Variants in GNG7 observed in about 807,000 individuals in gnomAD.
GNG7 encodes the protein G protein subunit gamma 7, also known as guanine nucleotide-binding protein G(I)/G(S)/G(O) subunit gamma-7.
In GNG7, 1 loss-of-function variant was observed where a neutral mutation model predicts 4.0. The ratio of observed to expected loss-of-function variants is 0.25; its 90% CI spans 0.09 to 1.18. The LOEUF is 1.18. Among genes scored for constraint, GNG7 ranks in the 50% most tolerant of loss-of-function variants. The pLI is 0.50. For missense variants in GNG7, 86 were observed against 91.9 expected, an observed-to-expected ratio of 0.94 and a Z score of 0.26; for synonymous variants, 34 against 36.9, an observed-to-expected ratio of 0.92 and a Z score of 0.29.
At chr19:2,522,343 G>A (rs1217355195) in intron 3 of GNG7, among the ~76,000 whole-genome samples, 7 of 152,146 alleles carry the variant, frequency 4.6e-5, no homozygotes, top group South Asian at 4.1e-4. Context: ...CCAGCCGGGC[G>A]TCTGTGAGCA....
intron 2 of GNG7, among the ~76,000 whole-genome samples, chr19:2,601,064 G>GT (rs1170399774): frequency 1.3e-5 from 2 of 152,108 alleles, no homozygotes; most frequent in Non-Finnish European, 1.5e-5. Context: ...GAGCCCGGGA[G>GT]TTTGAGGCTG....
At chr19:2,517,498 G>A (rs951407108) in intron 4 of GNG7, among the ~76,000 whole-genome samples, 72 of 152,104 alleles carry the variant, frequency 4.7e-4, no homozygotes, top group African/African-American at 1.7e-3. Context: ...CCAAGTGGCT[G>A]GGACTCCAGG....
In GNG7 at chr19:2,652,116, A is replaced by T. The variant is rs190166477; in HGVS notation, c.-134-5836T>A. ...CTTGAACCCGGGAGACAGTGGTTGC[A>T]GTGAGCCAAGATCGCACTACTGCAC... is the stretch of plus-strand genomic sequence containing the variant. On this transcript the variant is annotated intron_variant, in intron 1 of 4. Transcript: ENST00000382159. Among the ~76,000 whole-genome samples the T allele has an allele frequency of 3.0e-3, 456 of 152,080 alleles. 6 individuals are homozygous for T. The East Asian group carries it at 0.036, about 12-fold the overall frequency.
chr19:2,639,996 AAG>A (rs1982455599), intron 2 of GNG7, among the ~76,000 whole-genome samples: 1 of 64,556 alleles, frequency 1.5e-5, no homozygotes, highest in Non-Finnish European at 3.1e-5. Context: ...AGGAAGAAAG[AAG>A]AGAGGGAGGG....
At chr19:2,603,192 G>A (rs1381437651) in intron 2 of GNG7, among the ~76,000 whole-genome samples, 2 of 151,908 alleles carry the variant, frequency 1.3e-5, no homozygotes, top group South Asian at 2.1e-4. Flanking sequence ...TCAGCCTCCC[G>A]AGTAGCTGGG....
At chr19:2,623,274 C>T (rs544494383) in intron 2 of GNG7, among the ~76,000 whole-genome samples, 11 of 152,244 alleles carry the variant, frequency 7.2e-5, no homozygotes, top group Admixed American at 3.9e-4. Context: ...GAGCTGTGAT[C>T]GTGCCACTGC....
At chr19:2,699,045 T>C (rs772705877) in intron 1 of GNG7, among the ~76,000 whole-genome samples, 3 of 152,148 alleles carry the variant, frequency 2.0e-5, no homozygotes, top group Non-Finnish European at 2.9e-5. Flanking sequence ...ATTGCAAACA[T>C]TGTCATCTTC....
chr19:2,570,544 A>C (rs765021590), intron 2 of GNG7, among the ~76,000 whole-genome samples: 5 of 151,998 alleles, frequency 3.3e-5, no homozygotes, highest in Admixed American at 6.6e-5. Context: ...GGGCATCTCC[A>C]CACCCACTTA....
chr19:2,657,080 T>C (rs1982994898), intron 1 of GNG7, among the ~76,000 whole-genome samples: 1 of 151,698 alleles, frequency 6.6e-6, no homozygotes, highest in South Asian at 2.1e-4. Flanking sequence ...ATGCCTGTAA[T>C]CCCAGCCCTT....
At chr19:2,561,558 C>T (rs974894602) in intron 2 of GNG7, among the ~76,000 whole-genome samples, 1 of 152,004 alleles carries the variant, frequency 6.6e-6, no homozygotes, top group African/African-American at 2.4e-5. Context: ...ACAATCCCCA[C>T]AAGAGCCTCT....
intron 2 of GNG7, among the ~76,000 whole-genome samples, chr19:2,601,577 A>G (rs2144812287): frequency 6.6e-6 from 1 of 152,254 alleles, no homozygotes; most frequent in East Asian, 1.9e-4. Flanking sequence ...AGGGTAACAG[A>G]GCAATGCAAT....
intron 1 of GNG7, among the ~76,000 whole-genome samples, chr19:2,676,811 G>C (rs889661462): frequency 6.6e-6 from 1 of 152,152 alleles, no homozygotes; most frequent in African/African-American, 2.4e-5. Flanking sequence ...GGAGTTGGGT[G>C]TAATTTTCAG....
intron 2 of GNG7, among the ~76,000 whole-genome samples, chr19:2,603,478 G>T (rs1163856581): frequency 6.6e-6 from 1 of 152,234 alleles, no homozygotes; most frequent in Non-Finnish European, 1.5e-5. Flanking sequence ...TGAGACCGCG[G>T]TGGCTCTCTG....
intron 3 of GNG7, among the ~76,000 whole-genome samples, chr19:2,524,480 GTA>G (rs1309245013): frequency 2.0e-5 from 3 of 152,346 alleles, no homozygotes; most frequent in Admixed American, 6.5e-5. Flanking sequence ...ATGTATGTGT[GTA>G]TGTGTATACT....
At position 2,533,382 on chromosome 19, in the gene GNG7, G is replaced by A. The variant is rs1032540592; in HGVS notation, c.-37-12657C>T. On this transcript the variant is annotated intron_variant, in intron 3 of 4. Coordinates refer to ENST00000382159, the MANE Select transcript of GNG7 (RefSeq NM_052847.3). ...TAGGCAAAACTATGGTGATAGAAAT[G>A]AAAACAGAGGTTGCTGCCTCTGGCC... is the stretch of plus-strand genomic sequence containing the variant. Among the ~76,000 whole-genome samples, 33 of 152,126 alleles carry A rather than the reference G, an allele frequency of 2.2e-4. No homozygotes were observed. In the East Asian group the frequency reaches 6.2e-3, roughly 28 times the overall value.
intron 1 of GNG7, among the ~76,000 whole-genome samples, chr19:2,672,050 CAA>C (rs528016536): frequency 3.4e-5 from 3 of 87,192 alleles, no homozygotes; most frequent in Admixed American, 1.3e-4. Context: ...GACTCCGTCT[CAA>C]AAAAAAAAAA....
chr19:2,652,130 G>C (rs56385135), intron 1 of GNG7, among the ~76,000 whole-genome samples: 33,817 of 151,540 alleles, frequency 0.22, 3,939 homozygotes, highest in South Asian at 0.25. Flanking sequence ...AGCCAAGATC[G>C]CACTACTGCA....
Position 2,621,563 on chromosome 19 carries a change from G to A in GNG7, c.-78+24661C>T, listed in dbSNP as rs902686189. Among the ~76,000 whole-genome samples, 28 of 151,970 alleles carry A rather than the reference G, an allele frequency of 1.8e-4. 1 individual carries two copies. Among genetic ancestry groups the A allele is most frequent in the African/African-American group, 6.8e-4 (28 of 41,338 alleles). On this transcript the variant is annotated intron_variant, in intron 2 of 4. Coordinates refer to ENST00000382159, the MANE Select transcript of GNG7 (RefSeq NM_052847.3). ...AAACACAAAGTTAGCCGGGCGTGTT[G>A]GTGCGCGCCTGTAATCCCAGCTACT...
chr19:2,628,353 G>A (rs915230056), intron 2 of GNG7, among the ~76,000 whole-genome samples: 4 of 152,096 alleles, frequency 2.6e-5, no homozygotes, highest in Non-Finnish European at 5.9e-5. Context: ...TGAGGTCCCT[G>A]TTTACCTACT....
Sources: allele counts gnomAD v4.1 joint callset (sites outside exome capture counted in the v4.1 genomes callset), GRCh38; gene constraint gnomAD v4.1.1; transcripts MANE v1.5; gene names NCBI Gene and HGNC (gene_info 2026-07-23, HGNC 2026-07-21).